Variants in OLFM3 observed in about 807,000 individuals in gnomAD.
The protein encoded by OLFM3 is olfactomedin 3.
Under a neutral mutation model 48.6 loss-of-function variants are expected in OLFM3, and 20 were observed. The observed-to-expected ratio is 0.41, with a 90% CI of 0.29 to 0.60. OLFM3 has a LOEUF of 0.60. Among genes scored for constraint, OLFM3 ranks in the 20% least tolerant of loss-of-function variants. The pLI is 0.28. For synonymous variants in OLFM3, 222 were observed against 198.1 expected, an observed-to-expected ratio of 1.12 and a Z score of -1.01; for missense variants, 437 against 544.3, an observed-to-expected ratio of 0.80 and a Z score of 1.96.
chr1:101,955,312 A>T (rs1486077176), intron 1 of OLFM3, among the ~76,000 whole-genome samples: 1 of 151,988 alleles, frequency 6.6e-6, no homozygotes, highest in East Asian at 1.9e-4. Flanking sequence ...TATCCAAGGC[A>T]CTATCACTCT....
intron 4 of OLFM3, among the ~76,000 whole-genome samples, chr1:101,808,597 A>G (rs1653895815): frequency 6.6e-6 from 1 of 151,802 alleles, no homozygotes; most frequent in East Asian, 1.9e-4. Flanking sequence ...AGGAAAAAAA[A>G]TATGAAACTG....
intron 1 of OLFM3, among the ~76,000 whole-genome samples, chr1:101,898,525 T>C (rs1209489570): frequency 1.3e-5 from 2 of 152,122 alleles, no homozygotes; most frequent in Non-Finnish European, 2.9e-5. Context: ...CTAATTTATA[T>C]CAGCAAGTAT....
intron 1 of OLFM3, among the ~76,000 whole-genome samples, chr1:101,944,645 C>T (rs549040760): frequency 8.9e-4 from 135 of 152,168 alleles, no homozygotes; most frequent in African/African-American, 2.9e-3. Flanking sequence ...TTTGGGAGTC[C>T]GAGGTGTGCA....
intron 1 of OLFM3, among the ~76,000 whole-genome samples, chr1:101,851,568 G>A (rs1479540897): frequency 6.6e-6 from 1 of 152,122 alleles, no homozygotes; most frequent in African/African-American, 2.4e-5. Flanking sequence ...TGGGTGAAGA[G>A]AATAATACAA....
At chr1:101,852,286 C>T (rs1378841757) in intron 1 of OLFM3, among the ~76,000 whole-genome samples, 1 of 152,062 alleles carries the variant, frequency 6.6e-6, no homozygotes. Context: ...TTTGTTTACA[C>T]TTCTCCACTC....
intron 1 of OLFM3, among the ~76,000 whole-genome samples, chr1:101,864,141 A>G (rs763590036): frequency 6.6e-6 from 1 of 152,010 alleles, no homozygotes; most frequent in Non-Finnish European, 1.5e-5. Context: ...CTCATATGCA[A>G]TTGGTTAATT....
intron 3 of OLFM3, among the ~76,000 whole-genome samples, chr1:101,826,504 G>A (rs1047151735): frequency 6.6e-6 from 1 of 152,106 alleles, no homozygotes; most frequent in Admixed American, 6.5e-5. Context: ...TTACATTCAG[G>A]AGATGTTATT....
At chr1:101,819,547 G>T (rs185046976) in intron 4 of OLFM3, among the ~76,000 whole-genome samples, 2 of 152,114 alleles carry the variant, frequency 1.3e-5, no homozygotes, top group Admixed American at 6.6e-5. Flanking sequence ...CAGAAGAGCT[G>T]GTTTTGAGAA....
intron 1 of OLFM3, among the ~76,000 whole-genome samples, chr1:101,860,824 T>G (rs1399683354): frequency 6.6e-6 from 1 of 152,056 alleles, no homozygotes; most frequent in Non-Finnish European, 1.5e-5. Flanking sequence ...ATTCATTAAA[T>G]AAGTGGCTTG....
At chr1:101,902,211 G>A (rs1253316893) in intron 1 of OLFM3, among the ~76,000 whole-genome samples, 3 of 152,030 alleles carry the variant, frequency 2.0e-5, no homozygotes, top group Admixed American at 1.3e-4. Flanking sequence ...CATGGTTGGT[G>A]AAGGACAACC....
At position 101,864,854 on chromosome 1, in the gene OLFM3, T is replaced by C. The variant is rs2100968343; in HGVS notation, c.70-27829A>G. ...TCACTGAATGTGAAAAGTTAATGGC[T>C]GAAAAGATATTTTTATCTCCCTGTT... On this transcript the variant is annotated intron_variant, in intron 1 of 5. Coordinates refer to ENST00000370103, the MANE Select transcript of OLFM3 (RefSeq NM_058170.4). Among the ~76,000 whole-genome samples the C allele has an allele frequency of 1.3e-5, 2 of 152,316 alleles. 1 individual carries two copies. Among genetic ancestry groups the C allele is most frequent in the South Asian group, 4.1e-4 (2 of 4,828 alleles).
chr1:101,953,448 A>G (rs1490153189), intron 1 of OLFM3, among the ~76,000 whole-genome samples: 1 of 152,162 alleles, frequency 6.6e-6, no homozygotes, highest in Non-Finnish European at 1.5e-5. Context: ...AATATTTATG[A>G]TTTGGCACTT....
intron 1 of OLFM3, among the ~76,000 whole-genome samples, chr1:101,979,060 C>A (rs1362791887): frequency 6.6e-6 from 1 of 152,042 alleles, no homozygotes; most frequent in Non-Finnish European, 1.5e-5. Flanking sequence ...TTGGAAGGAA[C>A]AAAAGTGAAC....
intron 1 of OLFM3, among the ~76,000 whole-genome samples, chr1:101,952,981 TA>T (rs914561101): frequency 8.5e-5 from 13 of 152,118 alleles, no homozygotes; most frequent in Admixed American, 6.6e-4. Flanking sequence ...TGGGGTGCTG[TA>T]AGTTTTATTC....
At chr1:101,940,599 T>A (rs963072046) in intron 1 of OLFM3, among the ~76,000 whole-genome samples, 1 of 151,766 alleles carries the variant, frequency 6.6e-6, no homozygotes, top group Admixed American at 6.6e-5. Context: ...CCAGCTATGA[T>A]GGAGGCAAAT....
At chr1:101,931,155 T>G (rs1445055258) in intron 1 of OLFM3, among the ~76,000 whole-genome samples, 1 of 152,206 alleles carries the variant, frequency 6.6e-6, no homozygotes. Flanking sequence ...TAAAATAAAC[T>G]GTCTCTGTAG....
At chr1:101,901,336 G>GAGACA (rs1341655919) in intron 1 of OLFM3, among the ~76,000 whole-genome samples, 2 of 152,012 alleles carry the variant, frequency 1.3e-5, no homozygotes, top group Non-Finnish European at 2.9e-5. Context: ...ATTTCAGATG[G>GAGACA]AGACAAAAAC....
rs78726430 is a variant in OLFM3 at position 101,846,972 on chromosome 1, A to C, written c.70-9947T>G. ...GCCAAGCTTCAGCAGTGGAGGACTC[A>C]TTGCTGTGGAGCTAATGAGTTTTCA... On this transcript the variant is annotated intron_variant, in intron 1 of 5. Transcript: ENST00000370103. 23 of 1,610,766 alleles carry C rather than the reference A, an allele frequency of 1.4e-5. No homozygotes were observed. In the East Asian group the frequency reaches 4.9e-4, roughly 34 times the overall value.
intron 1 of OLFM3, among the ~76,000 whole-genome samples, chr1:101,915,935 A>G (rs1658910195): frequency 6.6e-6 from 1 of 152,064 alleles, no homozygotes; most frequent in Admixed American, 6.5e-5. Flanking sequence ...TTTCATTTGT[A>G]CTGCCTCATT....
Sources: allele counts gnomAD v4.1 joint callset (sites outside exome capture counted in the v4.1 genomes callset), GRCh38; gene constraint gnomAD v4.1.1; transcripts MANE v1.5; gene names NCBI Gene and HGNC (gene_info 2026-07-23, HGNC 2026-07-21).